MADD: variants seen among roughly 807,000 people sequenced by gnomAD.
MADD encodes MAP kinase-activating death domain protein.
MADD carries 109 observed loss-of-function variants against 176.7 expected under a neutral mutation model. The ratio of observed to expected loss-of-function variants is 0.62; its 90% confidence interval spans 0.53 to 0.72. The LOEUF (loss-of-function observed/expected upper bound fraction) is 0.72. Ranked by LOEUF, MADD falls within the 30% of genes least tolerant of loss-of-function variation. The pLI is 0.00. For synonymous variants in MADD, 771 were observed against 771.3 expected, an observed-to-expected ratio of 1.00 and a Z score of 0.01; for missense variants, 1,914 against 2,045.5, an observed-to-expected ratio of 0.94 and a Z score of 1.24.
exon 13 of MADD, chr11:47,285,086 A>T: frequency 6.2e-7 from 1 of 1,614,142 alleles, no homozygotes; most frequent in Non-Finnish European, 8.5e-7. Context: ...CGGCGAATCT[A>T]TGACAATCCA....
chr11:47,282,782 T>C (rs1434744520), intron 9 of MADD, 31 bp from the exon 10 acceptor site: 6 of 1,606,114 alleles, frequency 3.7e-6, no homozygotes, highest in East Asian at 2.2e-5. Context: ...TCCTTGCTGC[T>C]GACTTTCTGT....
At chr11:47,279,280 T>C (rs1277941949) in intron 7 of MADD, among the ~76,000 whole-genome samples, 1 of 152,180 alleles carries the variant, frequency 6.6e-6, no homozygotes, top group Admixed American at 6.5e-5. Context: ...CATTGTATGC[T>C]TTACCATCTT....
chr11:47,294,743 A>G (rs1413138700), intron 20 of MADD, among the ~76,000 whole-genome samples: 1 of 151,946 alleles, frequency 6.6e-6, no homozygotes, highest in African/African-American at 2.4e-5. Flanking sequence ...GAATTATTAA[A>G]TAAGTATAAT....
At chr11:47,273,495 C>G (rs1364646572) in intron 1 of MADD, among the ~76,000 whole-genome samples, 1 of 152,170 alleles carries the variant, frequency 6.6e-6, no homozygotes, top group Non-Finnish European at 1.5e-5. Flanking sequence ...TGTGCCACCA[C>G]ACCCGGCTAA....
chr11:47,325,456 G>A lies in MADD; in HGVS notation c.4542+879G>A, dbSNP rs527484720. On this transcript the variant is annotated intron_variant, in intron 30 of 32. Transcript: ENST00000402192. The surrounding 1 kb of genome is among the most constrained non-coding windows in gnomAD (Gnocchi z 4.5). Reference sequence around the variant, plus strand: ...AAGCCCCACAGACCCTGGCCAGGCCGCAGACCCTCAGGGGAGGTGGATGCC... The same window carrying A: ...AAGCCCCACAGACCCTGGCCAGGCCACAGACCCTCAGGGGAGGTGGATGCC... 5.9e-5 allele frequency among the ~76,000 whole-genome samples: 9 copies of A among 152,272 alleles called. No individual in the cohort carries two copies. Among genetic ancestry groups the A allele is most frequent in the East Asian group, 3.9e-4 (2 of 5,178 alleles).
chr11:47,274,705 A>G (rs762231471), exon 3 of MADD: 5 of 1,614,098 alleles, frequency 3.1e-6, no homozygotes, highest in East Asian at 2.2e-5. Context: ...GCAGCGGCGC[A>G]TGAGCCTTCG....
chr11:47,321,555 G>T (rs992712690), intron 27 of MADD, among the ~76,000 whole-genome samples: 1 of 152,194 alleles, frequency 6.6e-6, no homozygotes, highest in African/African-American at 2.4e-5. Flanking sequence ...GATAATTAAA[G>T]AGTATTATAA....
intron 14 of MADD, 147 bp downstream of exon 14, chr11:47,285,737 T>A: frequency 4.5e-6 from 5 of 1,109,438 alleles, no homozygotes; most frequent in Non-Finnish European, 6.5e-6. Context: ...TGATACTGAA[T>A]AAGGCGTTTT....
exon 22 of MADD, chr11:47,296,042 C>T: frequency 1.2e-6 from 2 of 1,613,576 alleles, no homozygotes; most frequent in Non-Finnish European, 1.7e-6. Context: ...AACTCTGCCA[C>T]AAGCACCATC....
At chr11:47,311,792 C>T in exon 26 of MADD, 1 of 1,614,034 alleles carries the variant, frequency 6.2e-7, no homozygotes, top group Non-Finnish European at 8.5e-7. Context: ...GCACATTGGG[C>T]TTGTGTACAG....
In MADD at chr11:47,274,916, G is replaced by C. The variant is rs1340604196; in HGVS notation, c.416G>C (p.Gly139Ala). 4 of 1,613,694 alleles carry C rather than the reference G, an allele frequency of 2.5e-6. No individual in the cohort carries two copies. In the South Asian group the frequency reaches 4.4e-5, roughly 18 times the overall value. ...GGTGGCACTGAGAGCTCAGAGAGTG[G>C]CTCATCCCTGCAGCCTCTCAGTGCT... The change falls in exon 3 of 33, where the codon GGC becomes GCC. Residue 139 changes from glycine (G) to alanine (A), a missense_variant. Physicochemically the swap from Gly to Ala is moderately conservative, Grantham distance 60. This residue lies in a region of MADD where 1,767 missense variants were observed against 1,836.0 expected (regional missense o/e 0.96). Transcript: ENST00000402192.
In MADD at chr11:47,314,545, TGTG is replaced by T. The variant is rs149646267; in HGVS notation, c.4090-670_4090-668del. ...TCACTTAAGCCCAGGAGTTCAGAGC[TGTG>T]GTGGGCTATGGTCATGCCACTGCAC... On this transcript the variant is annotated intron_variant, in intron 26 of 32. Transcript: ENST00000402192. Among the ~76,000 whole-genome samples the T allele has an allele frequency of 2.1e-3, 308 of 150,230 alleles. 1 individual carries two copies. The highest frequency in any genetic ancestry group is 7.2e-3 in the African/African-American group (296 of 40,872).
At chr11:47,298,250 AT>A (rs1464994692) in intron 22 of MADD, among the ~76,000 whole-genome samples, 1 of 152,224 alleles carries the variant, frequency 6.6e-6, no homozygotes, top group Non-Finnish European at 1.5e-5. Context: ...TAATAGGAAA[AT>A]TACTTCTCTT....
Position 47,295,981 on chromosome 11 carries a change from G to A in MADD, c.3568G>A (p.Val1190Ile), listed in dbSNP as rs750012981. ...TGATGGACCAGGTGGCGAGGGCAGT[G>A]TTCACCTGGCAAGCTCTCGGGGCAC... Residue 1190 changes from valine to isoleucine, a missense_variant, in exon 22 of 33, where the codon GTT (valine) becomes ATT (isoleucine). Physicochemically the swap from Val to Ile is conservative, Grantham distance 29. Coordinates refer to ENST00000402192, the Ensembl canonical transcript of MADD. The A allele has an allele frequency of 5.0e-6, 8 of 1,614,100 alleles. No individual in the cohort carries two copies. The Admixed American group carries it at 1.3e-4, about 27-fold the overall frequency.
At chr11:47,278,120 G>A in intron 5 of MADD, 45 bp from the exon 6 acceptor site, 1 of 1,289,518 alleles carries the variant, frequency 7.8e-7, no homozygotes, top group East Asian at 2.3e-5. Context: ...AAGTGCTCAT[G>A]ATAGGTTTTG....
intron 19 of MADD, among the ~76,000 whole-genome samples, chr11:47,291,610 A>T (rs1269309330): frequency 6.6e-6 from 1 of 152,104 alleles, no homozygotes; most frequent in Admixed American, 6.6e-5. Context: ...GGGGAGCTAC[A>T]CTTCCCTAGC....
At chr11:47,289,821 C>G in intron 16 of MADD, 46 bp from the exon 18 acceptor site, 3 of 1,603,230 alleles carry the variant, frequency 1.9e-6, no homozygotes, top group East Asian at 2.2e-5. Context: ...GGGGGGTGCT[C>G]TGCAAAGGAG....
chr11:47,279,138 AAGACAGCTATTCTCAGAG>A (rs1407870814), intron 7 of MADD, 59 bp downstream of exon 7: 8 of 1,509,096 alleles, frequency 5.3e-6, no homozygotes, highest in Non-Finnish European at 7.3e-6. Context: ...TTCCTATAAG[AAGACAGCTATTCTCAGAG>A]CCAATTTCCT....
chr11:47,293,626 A>G (rs2138943227), intron 19 of MADD, among the ~76,000 whole-genome samples: 1 of 152,172 alleles, frequency 6.6e-6, no homozygotes, highest in Admixed American at 6.5e-5. Context: ...CTGTTTTAAG[A>G]TGATTTGCTC....
Sources: allele counts gnomAD v4.1 joint callset (sites outside exome capture counted in the v4.1 genomes callset), GRCh38; gene constraint gnomAD v4.1.1; regional missense constraint gnomAD v4.1.1; non-coding constraint Gnocchi (gnomAD v3.1); transcripts MANE v1.5; gene names NCBI Gene and HGNC (gene_info 2026-07-23, HGNC 2026-07-21).